Variants in PABPC4L observed in about 807,000 individuals in gnomAD.
PABPC4L encodes the protein poly(A) binding protein cytoplasmic 4 like.
For synonymous variants in PABPC4L, 169 were observed against 164.1 expected (o/e 1.03, Z -0.23); for missense variants, 452 against 451.4 (o/e 1.00, Z -0.01).
the PABPC4L span, among the ~76,000 whole-genome samples, chr4:134,005,414 T>G: frequency 6.6e-6 from 1 of 151,908 alleles, no homozygotes; most frequent in East Asian, 1.9e-4. Context: ...GGAAGAGATG[T>G]GATTGTGATC....
At chr4:134,028,326 A>C in the PABPC4L span, among the ~76,000 whole-genome samples, 5 of 152,092 alleles carry the variant, frequency 3.3e-5, no homozygotes. Flanking sequence ...GTGCTGTAAC[A>C]TCTGTGCACT....
At chr4:134,053,718 T>C in the PABPC4L span, among the ~76,000 whole-genome samples, 101 of 152,170 alleles carry the variant, frequency 6.6e-4, no homozygotes, top group African/African-American at 9.4e-4. Context: ...TATGAGGACA[T>C]TGGTAAAACT....
the PABPC4L span, among the ~76,000 whole-genome samples, chr4:133,989,734 G>T: frequency 2.6e-5 from 4 of 152,090 alleles, no homozygotes; most frequent in South Asian, 8.3e-4. Context: ...TACTTTTAAA[G>T]CAGTACCCCA....
rs757042492 is a variant in PABPC4L at position 134,201,125 on chromosome 4, G to A, written c.-106C>T. The stretch of plus-strand genomic sequence containing the variant: ...GGCCCGGTTCAAGTGTGGAGGCCTC[G>A]GGATCACCACACAAAGGCCAAGCAA... On this transcript the variant is annotated 5_prime_UTR_variant, in exon 2 of 2. Transcript: ENST00000421491. The A allele has an allele frequency of 8.8e-5, 137 of 1,550,266 alleles. 1 individual carries two copies. Among genetic ancestry groups the A allele is most frequent in the Non-Finnish European group, 1.2e-4 (134 of 1,146,798 alleles).
chr4:133,995,552 T>C, the PABPC4L span, among the ~76,000 whole-genome samples: 1 of 152,158 alleles, frequency 6.6e-6, no homozygotes, highest in Non-Finnish European at 1.5e-5. Flanking sequence ...GCTAACCAAT[T>C]GATAAATTCA....
the PABPC4L span, among the ~76,000 whole-genome samples, chr4:134,185,373 C>T: frequency 6.6e-6 from 1 of 152,104 alleles, no homozygotes; most frequent in Admixed American, 6.6e-5. Context: ...GCATGCAAGG[C>T]TGGTTCAACA....
chr4:134,175,600 C>G, the PABPC4L span, among the ~76,000 whole-genome samples: 4 of 152,014 alleles, frequency 2.6e-5, no homozygotes, highest in African/African-American at 7.2e-5. Flanking sequence ...AGGCATGTGC[C>G]ATCACGTCTG....
the PABPC4L span, among the ~76,000 whole-genome samples, chr4:134,058,433 C>A: frequency 6.6e-6 from 1 of 151,692 alleles, no homozygotes; most frequent in Non-Finnish European, 1.5e-5. Flanking sequence ...TGTCATTTTT[C>A]AGTATATTAA....
At chr4:134,023,182 G>A in the PABPC4L span, among the ~76,000 whole-genome samples, 1 of 152,124 alleles carries the variant, frequency 6.6e-6, no homozygotes, top group South Asian at 2.1e-4. Context: ...ATTTAGGCAA[G>A]CTGTTCTAGG....
chr4:134,059,671 T>C, the PABPC4L span, among the ~76,000 whole-genome samples: 1 of 150,934 alleles, frequency 6.6e-6, no homozygotes, highest in Non-Finnish European at 1.5e-5. Context: ...TTTAACAAAG[T>C]TCAATAGAAC....
chr4:134,138,089 T>C, the PABPC4L span, among the ~76,000 whole-genome samples: 105,343 of 151,444 alleles, frequency 0.7, 37,987 homozygotes, highest in East Asian at 1. Context: ...ATTTAAAATG[T>C]TTTATGAAAA....
At chr4:134,063,862 C>A in the PABPC4L span, among the ~76,000 whole-genome samples, 1 of 151,888 alleles carries the variant, frequency 6.6e-6, no homozygotes, top group Non-Finnish European at 1.5e-5. Flanking sequence ...ATAAAAGTTT[C>A]TCTGACAATC....
At chr4:133,972,362 A>C in the PABPC4L span, among the ~76,000 whole-genome samples, 1 of 152,146 alleles carries the variant, frequency 6.6e-6, no homozygotes, top group Non-Finnish European at 1.5e-5. Flanking sequence ...TCTGACAATG[A>C]AATTATTTCC....
the PABPC4L span, among the ~76,000 whole-genome samples, chr4:134,156,109 A>G: frequency 6.6e-6 from 1 of 151,982 alleles, no homozygotes; most frequent in African/African-American, 2.4e-5. Context: ...AATGTATGTC[A>G]TTATGCAAAA....
chr4:133,954,240 C>T, the PABPC4L span, among the ~76,000 whole-genome samples: 1 of 152,276 alleles, frequency 6.6e-6, no homozygotes, highest in South Asian at 2.1e-4. Flanking sequence ...CGGGGGAAAG[C>T]ATGTTAGGGT....
At chr4:134,178,359 A>G in the PABPC4L span, among the ~76,000 whole-genome samples, 1 of 105,760 alleles carries the variant, frequency 9.5e-6, no homozygotes, top group Non-Finnish European at 1.7e-5. Flanking sequence ...TTAAAAAAGA[A>G]AAAAGCAAAA....
At chr4:133,955,328 A>G in the PABPC4L span, among the ~76,000 whole-genome samples, 4 of 152,102 alleles carry the variant, frequency 2.6e-5, no homozygotes, top group Admixed American at 2.6e-4. Context: ...TATATGCACT[A>G]AAGTCAATAT....
chr4:134,039,031 C>T, the PABPC4L span, among the ~76,000 whole-genome samples: 517 of 152,154 alleles, frequency 3.4e-3, 6 homozygotes, highest in African/African-American at 0.012. Context: ...TGTCTTTGTT[C>T]TCATTGGTTT....
At chr4:133,960,340 T>G in the PABPC4L span, among the ~76,000 whole-genome samples, 1 of 152,076 alleles carries the variant, frequency 6.6e-6, no homozygotes, top group Non-Finnish European at 1.5e-5. Context: ...AGCACAAGAT[T>G]TTGACCTCAC....
Sources: allele counts gnomAD v4.1 joint callset (sites outside exome capture counted in the v4.1 genomes callset), GRCh38; gene constraint gnomAD v4.1.1; transcripts MANE v1.5; gene names NCBI Gene and HGNC (gene_info 2026-07-23, HGNC 2026-07-21).